HYDIN: variants seen among roughly 807,000 people sequenced by gnomAD.
The protein encoded by HYDIN is axonemal central pair apparatus protein HYDIN.
In HYDIN, 132 loss-of-function variants were observed where a neutral mutation model predicts 403.9. The observed-to-expected ratio is 0.33, with a 90% CI of 0.28 to 0.38. HYDIN has a LOEUF of 0.38. Ranked by LOEUF, HYDIN falls within the 10% of genes least tolerant of loss-of-function variation. The pLI, the probability that HYDIN is intolerant of heterozygous loss-of-function variation, is 1.00. For synonymous variants in HYDIN, 1,202 were observed against 1,891.7 expected, an observed-to-expected ratio of 0.64 and a Z score of 9.46; for missense variants, 2,827 against 5,009.5, an observed-to-expected ratio of 0.56 and a Z score of 13.15.
At chr16:71,053,560 G>C in intron 18 of HYDIN, among the ~76,000 whole-genome samples, 1 of 151,554 alleles carries the variant, frequency 6.6e-6, no homozygotes, top group Non-Finnish European at 1.5e-5. Context: ...ATAAGTTGCA[G>C]AATGTCACAT....
intron 40 of HYDIN, among the ~76,000 whole-genome samples, chr16:70,953,336 T>G (rs1382339256): frequency 6.6e-6 from 1 of 152,172 alleles, no homozygotes; most frequent in Non-Finnish European, 1.5e-5. Context: ...CTCCAGAGCT[T>G]ACATGGGGTC....
In HYDIN at chr16:70,933,613, T is replaced by A. The variant is rs2077415635; in HGVS notation, c.7158+2339A>T. ...AGCTTCCTCATCTCCAAAATGATGG[T>A]GATGATCATATCTCCCTCAGCGGGT... On this transcript the variant is annotated intron_variant, in intron 45 of 85. Coordinates refer to ENST00000393567, the MANE Select transcript of HYDIN (RefSeq NM_001270974.2). 2.6e-5 allele frequency: 4 copies of A among 154,474 alleles called. 1 individual carries two copies. The South Asian group carries it at 8.2e-4, about 32-fold the overall frequency. 9.6% of individuals were successfully genotyped at this position (154,474 alleles called of 1,614,324 possible). A position where few individuals can be genotyped will look rare whatever the true frequency, so the allele number is the denominator to read the frequency against.
At chr16:70,834,488 A>G (rs1431815354) in intron 78 of HYDIN, among the ~76,000 whole-genome samples, 1 of 152,082 alleles carries the variant, frequency 6.6e-6, no homozygotes, top group Non-Finnish European at 1.5e-5. Context: ...GGAAATAACA[A>G]ACAGTTAGAG....
At position 70,964,830 on chromosome 16, in the gene HYDIN, C is replaced by T; in HGVS notation, c.5686G>A (p.Glu1896Lys). Residue 1896 changes from glutamate to lysine, a missense_variant, in exon 37 of 86, where the codon GAG (glutamate) becomes AAG (lysine). By Grantham distance (56) the Glu-to-Lys change is moderately conservative (BLOSUM62 1). Coordinates refer to ENST00000393567, the MANE Select transcript of HYDIN (RefSeq NM_001270974.2). The part of the protein sequence containing the change: ...TLLLPPRNPG[E>K]KLPPELYEYF... Reference sequence around the variant, plus strand: ...TCGTACAGTTCTGGGGGCAGCTTCTCCCCAGGGTTGCGGGGAGGCAGCAGC... The same window carrying T: ...TCGTACAGTTCTGGGGGCAGCTTCTTCCCAGGGTTGCGGGGAGGCAGCAGC... 6.3e-7 allele frequency: 1 copy of T among 1,596,422 alleles called. No individual in the cohort carries two copies. Among genetic ancestry groups the T allele is most frequent in the Non-Finnish European group, 8.6e-7 (1 of 1,163,810 alleles).
chr16:70,964,989 G>C (rs2078529920), intron 36 of HYDIN, 93 bp from the exon 37 acceptor site: 1 of 677,898 alleles, frequency 1.5e-6, no homozygotes. Flanking sequence ...TAAAACTCCT[G>C]CTCCTGCCTG....
intron 1 of HYDIN, among the ~76,000 whole-genome samples, chr16:71,197,873 G>A (rs575474625): frequency 1.1e-4 from 16 of 152,200 alleles, no homozygotes; most frequent in Non-Finnish European, 2.1e-4. Flanking sequence ...TCAGCCTCCC[G>A]ACTAGCTGGG....
chr16:71,133,128 C>T (rs2084778643), intron 8 of HYDIN: 1 of 418,160 alleles, frequency 2.4e-6, no homozygotes, highest in African/African-American at 2.1e-5. Flanking sequence ...AGTCCCTCAT[C>T]TTCAGGTACT....
chr16:70,937,968 G>C (rs2077545320), intron 44 of HYDIN, among the ~76,000 whole-genome samples: 3 of 152,200 alleles, frequency 2.0e-5, no homozygotes, highest in Admixed American at 1.3e-4. Context: ...TGGGCACTAG[G>C]AGGCATGGGG....
intron 42 of HYDIN, among the ~76,000 whole-genome samples, chr16:70,943,500 C>T (rs2077745572): frequency 6.6e-6 from 1 of 152,082 alleles, no homozygotes; most frequent in African/African-American, 2.4e-5. Context: ...AAGCAATTAA[C>T]ATAGCTCCAA....
intron 66 of HYDIN, among the ~76,000 whole-genome samples, chr16:70,866,856 C>G (rs1020905042): frequency 6.6e-6 from 1 of 151,826 alleles, no homozygotes; most frequent in African/African-American, 2.4e-5. Flanking sequence ...GAAACCCTGT[C>G]TCTGCTAAAA....
intron 23 of HYDIN, among the ~76,000 whole-genome samples, chr16:71,007,655 C>T (rs370642370): frequency 1.2e-4 from 16 of 133,482 alleles, no homozygotes; most frequent in East Asian, 6.5e-4. Flanking sequence ...AAAAATAACA[C>T]GCTGGTGAGG....
chr16:70,871,625 C>G (rs1275650613), intron 65 of HYDIN, among the ~76,000 whole-genome samples: 1 of 151,660 alleles, frequency 6.6e-6, no homozygotes, highest in Non-Finnish European at 1.5e-5. Context: ...GAGCTTGGAA[C>G]ATTTTCTAAA....
intron 76 of HYDIN, among the ~76,000 whole-genome samples, chr16:70,839,659 A>G (rs2037680061): frequency 1.3e-5 from 2 of 152,182 alleles, no homozygotes; most frequent in Admixed American, 1.3e-4. Flanking sequence ...CCACACAGGG[A>G]TGGTGCCGAG....
chr16:71,126,940 T>A (rs1183487452), intron 9 of HYDIN, among the ~76,000 whole-genome samples: 2 of 152,118 alleles, frequency 1.3e-5, no homozygotes, highest in East Asian at 3.9e-4. Flanking sequence ...CTTGCATTTG[T>A]GCCAAGAAGT....
chr16:71,068,273 T>A (rs1440211290), intron 14 of HYDIN, among the ~76,000 whole-genome samples: 4 of 147,910 alleles, frequency 2.7e-5, no homozygotes, highest in African/African-American at 1.0e-4. Flanking sequence ...TTTCTATCTA[T>A]AAATTATGCA....
intron 35 of HYDIN, among the ~76,000 whole-genome samples, chr16:70,973,053 A>T (rs1054704892): frequency 6.6e-6 from 1 of 152,206 alleles, no homozygotes; most frequent in African/African-American, 2.4e-5. Flanking sequence ...GTGAACTGAG[A>T]CTGAATGAGG....
chr16:71,152,155 T>C (rs1360786204), intron 7 of HYDIN, among the ~76,000 whole-genome samples: 1 of 150,662 alleles, frequency 6.6e-6, no homozygotes, highest in Non-Finnish European at 1.5e-5. Context: ...GAGTCCTGTA[T>C]TCCTCAGGCT....
At position 70,943,932 on chromosome 16, in the gene HYDIN, G is replaced by C. The variant is rs1365893478; in HGVS notation, c.6549C>G (p.Leu2183=). 1.9e-6 allele frequency: 3 copies of C among 1,608,416 alleles called. No homozygotes were observed. Among genetic ancestry groups the C allele is most frequent in the South Asian group, 2.2e-5 (2 of 89,998 alleles). The change falls in exon 42 of 86, where the codon CTC becomes CTG. Residue 2183 remains leucine, a synonymous_variant. Transcript: ENST00000393567. ...GCCAGCGGTGGATGGGCCCCGGGGG[G>C]AGAGGGCTGGAGGAAATCTGTTGAG... ...SETPQISSSP[L]PPGPIHRWLS... is the part of the protein sequence containing the mutation.
chr16:70,883,071 C>G (rs1486754754), intron 59 of HYDIN, among the ~76,000 whole-genome samples, 176 bp from the exon 60 acceptor site: 1 of 152,240 alleles, frequency 6.6e-6, no homozygotes, highest in Non-Finnish European at 1.5e-5. Context: ...CTCTTTTGTA[C>G]AGTCCTTGCT....
Sources: gnomAD v4.1 joint callset for allele counts (sites outside exome capture counted in the v4.1 genomes callset) on GRCh38, gnomAD v4.1.1 for gene constraint, MANE v1.5 for transcripts, NCBI Gene and HGNC (gene_info 2026-07-23, HGNC 2026-07-21) for gene names.